PDS5B: variants seen among roughly 807,000 people sequenced by gnomAD.
The protein encoded by PDS5B is sister chromatid cohesion protein PDS5 homolog B.
Under a neutral mutation model 184.1 loss-of-function variants are expected in PDS5B, and 51 were observed. The ratio of observed to expected loss-of-function variants is 0.28; its 90% CI spans 0.22 to 0.35. The LOEUF (loss-of-function observed/expected upper bound fraction) is 0.35. Among genes scored for constraint, PDS5B ranks in the 10% least tolerant of loss-of-function variants. The pLI is 1.00. For synonymous variants in PDS5B, 566 were observed against 569.2 expected (o/e 0.99, Z 0.08); for missense variants, 1,180 against 1,723.3 (o/e 0.68, Z 5.58).
chr13:32,600,679 C>T (rs1280750393), intron 1 of PDS5B, among the ~76,000 whole-genome samples: 2 of 152,202 alleles, frequency 1.3e-5, no homozygotes, highest in East Asian at 1.9e-4. Context: ...GCAGAGGTTG[C>T]AGTGAGCCGA....
chr13:32,760,829 T>C, intron 30 of PDS5B, 109 bp downstream of exon 30: 14 of 1,038,088 alleles, frequency 1.3e-5, no homozygotes, highest in Non-Finnish European at 1.9e-5. Context: ...GAAAGTAATG[T>C]ATTACTTAAT....
chr13:32,722,359 C>T (rs1002787433), intron 19 of PDS5B, among the ~76,000 whole-genome samples: 4 of 152,168 alleles, frequency 2.6e-5, no homozygotes, highest in Non-Finnish European at 5.9e-5. Flanking sequence ...GAGATGGAGA[C>T]GATGGAGAGG....
intron 34 of PDS5B, among the ~76,000 whole-genome samples, chr13:32,774,744 C>T (rs1395173930): frequency 6.6e-6 from 1 of 152,282 alleles, no homozygotes; most frequent in East Asian, 1.9e-4. Context: ...ACATTGACTT[C>T]TGTTCATTTC....
At chr13:32,767,316 C>CA (rs1285866721) in intron 31 of PDS5B, among the ~76,000 whole-genome samples, 1 of 152,086 alleles carries the variant, frequency 6.6e-6, no homozygotes, top group African/African-American at 2.4e-5. Flanking sequence ...TTCCTAAAGG[C>CA]AAAATACTTG....
intron 1 of PDS5B, among the ~76,000 whole-genome samples, chr13:32,639,952 T>C (rs1555293436): frequency 6.6e-6 from 1 of 152,238 alleles, no homozygotes; most frequent in Non-Finnish European, 1.5e-5. Flanking sequence ...TCTTTATTTG[T>C]TGATTTGGAT....
At chr13:32,683,229 G>A (rs1440269453) in intron 10 of PDS5B, among the ~76,000 whole-genome samples, 2 of 151,702 alleles carry the variant, frequency 1.3e-5, no homozygotes, top group Non-Finnish European at 1.5e-5. Flanking sequence ...TGGCCAGGCT[G>A]GTCTCCTGGC....
intron 23 of PDS5B, among the ~76,000 whole-genome samples, chr13:32,744,189 A>G (rs978388995): frequency 2.6e-5 from 4 of 152,168 alleles, no homozygotes; most frequent in African/African-American, 7.2e-5. Flanking sequence ...CTTCATCTGT[A>G]AAATGAGGAT....
chr13:32,586,825 G>A (rs866760157), intron 1 of PDS5B, among the ~76,000 whole-genome samples: 1 of 145,094 alleles, frequency 6.9e-6, no homozygotes, highest in Non-Finnish European at 1.5e-5. Context: ...CGCGGTGGGG[G>A]TGGGGAGGGC....
chr13:32,592,390 G>A (rs2057790806), intron 1 of PDS5B, among the ~76,000 whole-genome samples: 1 of 152,044 alleles, frequency 6.6e-6, no homozygotes, highest in African/African-American at 2.4e-5. Flanking sequence ...TGAGTAGCTG[G>A]GACTACAGGT....
At position 32,759,655 on chromosome 13, in the gene PDS5B, C is replaced by T; in HGVS notation, c.3337C>T (p.Pro1113Ser). 1 of 1,563,362 alleles carries T rather than the reference C, an allele frequency of 6.4e-7. No individual in the cohort carries two copies. Among genetic ancestry groups the T allele is most frequent in the Non-Finnish European group, 8.7e-7 (1 of 1,144,280 alleles). Residue 1113 changes from proline (P) to serine (S), a missense_variant, in exon 29 of 35, where the codon CCT becomes TCT. By Grantham distance (74) the Pro-to-Ser change is moderately conservative (BLOSUM62 -1). Around this residue, in one of 11 missense-constraint regions of PDS5B, gnomAD observed 465 missense variants for 497.8 expected, o/e 0.93. Transcript: ENST00000315596. ...KNFSNTKNYLPPEMKSFFTPG... is the reference protein window; with the variant it reads ...KNFSNTKNYLSPEMKSFFTPG... ...TTTCAGTAACACCAAAAATTATCTG[C>T]CTCCTGAAATGAAATCATTTTTCAC...
chr13:32,759,652 C>A lies in PDS5B; in HGVS notation c.3334C>A (p.Leu1112Met). 3 of 1,564,926 alleles carry A rather than the reference C, an allele frequency of 1.9e-6. No individual in the cohort carries two copies. The highest frequency in any genetic ancestry group is 1.2e-5 in the South Asian group (1 of 84,196). The change falls in exon 29 of 35, where the codon CTG becomes ATG. Residue 1112 changes from leucine (L) to methionine (M), a missense_variant. This residue lies in a region of PDS5B where 465 missense variants were observed against 497.8 expected (regional missense o/e 0.93). Transcript: ENST00000315596. ...DKNFSNTKNY[L>M]PPEMKSFFTP... is the part of the protein sequence containing the mutation. Reference sequence around the variant, plus strand: ...GAATTTCAGTAACACCAAAAATTATCTGCCTCCTGAAATGAAATCATTTTT... The same window carrying A: ...GAATTTCAGTAACACCAAAAATTATATGCCTCCTGAAATGAAATCATTTTT...
At chr13:32,731,080 G>GTT (rs1953105701) in intron 19 of PDS5B, among the ~76,000 whole-genome samples, 1 of 152,084 alleles carries the variant, frequency 6.6e-6, no homozygotes, top group South Asian at 2.1e-4. Flanking sequence ...ATTAAAGAAT[G>GTT]TTTTACCTTT....
intron 1 of PDS5B, among the ~76,000 whole-genome samples, chr13:32,599,067 G>C (rs897437490): frequency 1.3e-5 from 2 of 152,036 alleles, no homozygotes; most frequent in Admixed American, 6.5e-5. Context: ...ACCACGCCCA[G>C]CCTCAGTTTT....
chr13:32,633,627 T>G (rs1372152593), intron 1 of PDS5B, among the ~76,000 whole-genome samples: 1 of 152,222 alleles, frequency 6.6e-6, no homozygotes, highest in Non-Finnish European at 1.5e-5. Flanking sequence ...TTTTGTTAAG[T>G]TTTCCCCATT....
chr13:32,586,902 C>T (rs1330051837), intron 1 of PDS5B, among the ~76,000 whole-genome samples: 1 of 141,066 alleles, frequency 7.1e-6, no homozygotes, highest in East Asian at 2.2e-4. Context: ...AAACTTGCCG[C>T]TCTGATCCCG....
Position 32,759,669 on chromosome 13 carries a change from A to G in PDS5B, c.3351A>G (p.Lys1117=). The G allele has an allele frequency of 6.4e-7, 1 of 1,565,220 alleles. No homozygotes were observed. Among genetic ancestry groups the G allele is most frequent in the South Asian group, 1.2e-5 (1 of 84,762 alleles). The change falls in exon 29 of 35, where the codon AAA becomes AAG. Residue 1117 remains lysine (K), a synonymous_variant. Coordinates refer to ENST00000315596, the MANE Select transcript of PDS5B (RefSeq NM_015032.4). The part of the protein sequence containing the change: ...NTKNYLPPEM[K]SFFTPGKPKT... ...AAAATTATCTGCCTCCTGAAATGAA[A>G]TCATTTTTCACTCCTGGAAAAGTAT...
chr13:32,685,820 A>G (rs1951370825), intron 11 of PDS5B, among the ~76,000 whole-genome samples: 1 of 151,452 alleles, frequency 6.6e-6, no homozygotes, highest in Non-Finnish European at 1.5e-5. Flanking sequence ...TTTTTTTTTT[A>G]TTAGAGACAG....
chr13:32,754,411 C>T (rs746450065), intron 25 of PDS5B, among the ~76,000 whole-genome samples: 13 of 152,106 alleles, frequency 8.5e-5, no homozygotes, highest in Non-Finnish European at 1.6e-4. Context: ...CATTTACTTT[C>T]GATTACTTGA....
intron 17 of PDS5B, 131 bp downstream of exon 17, chr13:32,701,569 C>T: frequency 1.8e-6 from 1 of 554,384 alleles, no homozygotes; most frequent in East Asian, 3.0e-5. Context: ...TGTATATACT[C>T]CTCTGCATAT....
Sources: allele counts gnomAD v4.1 joint callset (sites outside exome capture counted in the v4.1 genomes callset), GRCh38; gene constraint gnomAD v4.1.1; regional missense constraint gnomAD v4.1.1; transcripts MANE v1.5; gene names NCBI Gene and HGNC (gene_info 2026-07-23, HGNC 2026-07-21).